SETD2: variants seen among roughly 807,000 people sequenced by gnomAD.
SETD2 encodes the protein SET domain containing 2, histone lysine methyltransferase.
In SETD2, 31 loss-of-function variants were observed where a neutral mutation model predicts 242.1. The observed-to-expected ratio is 0.13, with a 90% CI of 0.10 to 0.17. The LOEUF (loss-of-function observed/expected upper bound fraction) is 0.17, where lower values mean the gene tolerates loss of function less well. SETD2 is among the 10% of genes least tolerant of loss of function. The pLI is 1.00. For synonymous variants in SETD2, 1,006 were observed against 1,066.5 expected, an observed-to-expected ratio of 0.94 and a Z score of 1.11; for missense variants, 2,481 against 3,046.3, an observed-to-expected ratio of 0.81 and a Z score of 4.37.
Position 47,123,740 on chromosome 3 carries a change from C to A in SETD2, c.896G>T (p.Ser299Ile), listed in dbSNP as rs2106711172. 6.4e-7 allele frequency: 1 copy of A among 1,550,888 alleles called. No homozygotes were observed. Among genetic ancestry groups the A allele is most frequent in the Non-Finnish European group, 8.7e-7 (1 of 1,146,736 alleles). ...DEEIPDSSKI[S>I]LSCKKTGSKK... ...AGAACCTGTTTTTTTACAGCTCAGACTAATCTTAGAACTATCTGGAATTTC... is the reference window on the plus strand; with the variant it reads ...AGAACCTGTTTTTTTACAGCTCAGAATAATCTTAGAACTATCTGGAATTTC... The change falls in exon 3 of 21, where the codon AGT (serine) becomes ATT (isoleucine). Residue 299 changes from serine to isoleucine, a missense_variant. Ser to Ile is a moderately radical substitution (Grantham distance 142). Coordinates refer to ENST00000409792, the MANE Select transcript of SETD2 (RefSeq NM_014159.7).
chr3:47,140,672 C>A (rs764836949), intron 1 of SETD2, among the ~76,000 whole-genome samples: 2 of 152,014 alleles, frequency 1.3e-5, no homozygotes, highest in African/African-American at 2.4e-5. Context: ...ATCAGCCTGG[C>A]CAACATGGTG....
At chr3:47,067,141 A>G (rs2107600587) in intron 12 of SETD2, 23 bp from the exon 13 acceptor site, 3 of 1,586,182 alleles carry the variant, frequency 1.9e-6, no homozygotes, top group Non-Finnish European at 2.6e-6. Context: ...AACCAGAGGG[A>G]GGGTTATTAG....
chr3:47,052,735 G>A (rs1222792948), intron 15 of SETD2, among the ~76,000 whole-genome samples: 4 of 151,838 alleles, frequency 2.6e-5, no homozygotes, highest in African/African-American at 9.7e-5. Context: ...GGAGAATCTC[G>A]AACCTGGGAG....
intron 18 of SETD2, among the ~76,000 whole-genome samples, chr3:47,028,487 C>T (rs1020852578): frequency 6.6e-6 from 1 of 152,058 alleles, no homozygotes; most frequent in Non-Finnish European, 1.5e-5. Context: ...TAGGAGATAC[C>T]CTAGAGAAAA....
intron 1 of SETD2, chr3:47,157,670 T>G (rs2044157063): frequency 2.5e-6 from 1 of 397,244 alleles, no homozygotes; most frequent in East Asian, 7.4e-5. Context: ...GGTCAGGAGT[T>G]CGAGACCAGC....
intron 15 of SETD2, among the ~76,000 whole-genome samples, chr3:47,055,283 G>A (rs1447785182): frequency 6.6e-6 from 1 of 152,190 alleles, no homozygotes; most frequent in Non-Finnish European, 1.5e-5. Flanking sequence ...TAAGTATTAT[G>A]TGCAGGAAAC....
At chr3:47,090,296 G>T (rs1169176741) in intron 9 of SETD2, among the ~76,000 whole-genome samples, 1 of 152,048 alleles carries the variant, frequency 6.6e-6, no homozygotes, top group Non-Finnish European at 1.5e-5. Flanking sequence ...TAGATTAGAA[G>T]ATCTCAATTT....
chr3:47,056,094 TTTTATTTATTTATTTATTTA>T (rs145910690), intron 15 of SETD2, among the ~76,000 whole-genome samples: 9 of 116,420 alleles, frequency 7.7e-5, no homozygotes, highest in South Asian at 2.8e-4. Context: ...AAAACATGAT[TTTTATTTATTTATTTATTTA>T]TTTATTTATT....
chr3:47,040,920 A>C (rs896491032), intron 17 of SETD2, among the ~76,000 whole-genome samples: 1 of 152,162 alleles, frequency 6.6e-6, no homozygotes, highest in African/African-American at 2.4e-5. Flanking sequence ...AAATTGATAC[A>C]AACTATTGTT....
At chr3:47,106,150 T>C (rs1177155666) in intron 5 of SETD2, 30 bp from the exon 6 acceptor site, 15 of 1,601,950 alleles carry the variant, frequency 9.4e-6, no homozygotes, top group Non-Finnish European at 1.3e-5. Context: ...AAATAGCACT[T>C]CCTACCTAGG....
At chr3:47,049,343 A>T (rs1251164602) in intron 15 of SETD2, among the ~76,000 whole-genome samples, 6 of 51,352 alleles carry the variant, frequency 1.2e-4, no homozygotes, top group African/African-American at 5.4e-4. Flanking sequence ...ATATATATAT[A>T]TATATGTATT....
intron 18 of SETD2, among the ~76,000 whole-genome samples, 174 bp downstream of exon 18, chr3:47,037,492 T>C (rs531391811): frequency 6.6e-6 from 1 of 152,198 alleles, no homozygotes; most frequent in Admixed American, 6.5e-5. Context: ...TAGTATTCCA[T>C]GGTGTATATG....
intron 1 of SETD2, among the ~76,000 whole-genome samples, chr3:47,156,769 T>C (rs1269074505): frequency 1.3e-5 from 2 of 152,190 alleles, no homozygotes; most frequent in African/African-American, 4.8e-5. Context: ...CCAGATTATA[T>C]ATGAAATCTG....
At chr3:47,034,378 T>C (rs976464679) in intron 18 of SETD2, among the ~76,000 whole-genome samples, 3 of 152,222 alleles carry the variant, frequency 2.0e-5, no homozygotes, top group Admixed American at 2.0e-4. Flanking sequence ...CACATGAGCA[T>C]ATCAATATAT....
intron 18 of SETD2, among the ~76,000 whole-genome samples, chr3:47,025,318 C>A (rs572907678): frequency 1.3e-5 from 2 of 152,284 alleles, no homozygotes; most frequent in Admixed American, 6.5e-5. Flanking sequence ...CAAGATTCCC[C>A]AGCATCTCCA....
chr3:47,104,097 T>G (rs894183187), intron 6 of SETD2, among the ~76,000 whole-genome samples: 4 of 152,060 alleles, frequency 2.6e-5, no homozygotes, highest in Non-Finnish European at 5.9e-5. Context: ...AGCTCTGGGG[T>G]TAGGTCCCTA....
intron 2 of SETD2, among the ~76,000 whole-genome samples, chr3:47,125,316 C>A (rs2043285445): frequency 7.5e-6 from 1 of 134,164 alleles, no homozygotes; most frequent in South Asian, 2.5e-4. Context: ...GAGCCTCTGT[C>A]TCAAAAAAAT....
intron 18 of SETD2, among the ~76,000 whole-genome samples, chr3:47,037,131 T>A (rs2039042970): frequency 1.3e-5 from 2 of 150,140 alleles, no homozygotes; most frequent in Admixed American, 6.6e-5. Context: ...TATATTTTTT[T>A]ATTTTATTAT....
At chr3:47,062,947 A>C (rs568436643) in intron 13 of SETD2, among the ~76,000 whole-genome samples, 1 of 152,238 alleles carries the variant, frequency 6.6e-6, no homozygotes, top group South Asian at 2.1e-4. Flanking sequence ...CCATCTCTTA[A>C]AATTAAAAAA....
Sources: gnomAD v4.1 joint callset for allele counts (sites outside exome capture counted in the v4.1 genomes callset) on GRCh38, gnomAD v4.1.1 for gene constraint, MANE v1.5 for transcripts, NCBI Gene and HGNC (gene_info 2026-07-23, HGNC 2026-07-21) for gene names.